The following HDGFL3 variants were observed in gnomAD, a reference collection of about 807,000 sequenced individuals.
HDGFL3 encodes HDGF like 3.
Under a neutral mutation model 27.6 loss-of-function variants are expected in HDGFL3, and 6 were observed. The observed-to-expected ratio is 0.22, with a 90% CI of 0.12 to 0.43. The LOEUF (loss-of-function observed/expected upper bound fraction) is 0.43. Among genes scored for constraint, HDGFL3 ranks in the 20% least tolerant of loss-of-function variants. HDGFL3 has a pLI of 1.00. For missense variants in HDGFL3, 207 were observed against 250.1 expected, an observed-to-expected ratio of 0.83 and a Z score of 1.16; for synonymous variants, 88 against 88.9, an observed-to-expected ratio of 0.99 and a Z score of 0.05.
At chr15:83,115,015 T>A (rs2034526650) in exon 4 of HDGFL3, 2 of 152,458 alleles carry the variant, frequency 1.3e-5, no homozygotes, top group South Asian at 4.1e-4. Flanking sequence ...ATCAGCCACC[T>A]GTCTGTCTCT....
intron 1 of HDGFL3, among the ~76,000 whole-genome samples, chr15:83,168,625 G>T (rs2037202196): frequency 6.6e-6 from 1 of 152,080 alleles, no homozygotes; most frequent in African/African-American, 2.4e-5. Context: ...TGAATCCTTA[G>T]GTTGAATCAG....
downstream of HDGFL3, chr15:83,124,633 C>T (rs2035564405): frequency 2.7e-6 from 4 of 1,501,996 alleles, no homozygotes; most frequent in East Asian, 4.6e-5. Flanking sequence ...TCTTCTTTGG[C>T]ACTTTGGGCC....
intron 1 of HDGFL3, among the ~76,000 whole-genome samples, chr15:83,202,798 T>C (rs1457045905): frequency 6.6e-6 from 1 of 152,144 alleles, no homozygotes; most frequent in Non-Finnish European, 1.5e-5. Flanking sequence ...AATAACTCCT[T>C]TCTACCCACT....
chr15:83,193,407 T>C (rs756458326), intron 1 of HDGFL3, among the ~76,000 whole-genome samples: 3 of 152,106 alleles, frequency 2.0e-5, no homozygotes, highest in Non-Finnish European at 4.4e-5. Flanking sequence ...TTAGGATTCC[T>C]ACTTTGAAAA....
At chr15:83,141,554 A>C (rs1211479855) in intron 5 of HDGFL3, among the ~76,000 whole-genome samples, 1 of 152,224 alleles carries the variant, frequency 6.6e-6, no homozygotes, top group Non-Finnish European at 1.5e-5. Context: ...CTAGAATTTC[A>C]AATCCTCCAT....
chr15:83,158,937 G>A (rs757153762), intron 2 of HDGFL3, among the ~76,000 whole-genome samples: 7 of 151,728 alleles, frequency 4.6e-5, no homozygotes, highest in Non-Finnish European at 8.8e-5. Context: ...TCCATCTCCC[G>A]GGTTCAAGGG....
intron 5 of HDGFL3, among the ~76,000 whole-genome samples, chr15:83,150,658 G>GT (rs1353476751): frequency 6.6e-6 from 1 of 152,172 alleles, no homozygotes; most frequent in African/African-American, 2.4e-5. Context: ...CCTTCATCAA[G>GT]TTTTTTACAA....
intron 1 of HDGFL3, among the ~76,000 whole-genome samples, chr15:83,188,303 G>C (rs2037470805): frequency 6.6e-6 from 1 of 152,092 alleles, no homozygotes; most frequent in Non-Finnish European, 1.5e-5. Context: ...GCCCAGGCTG[G>C]AGGGCAGTGG....
At chr15:83,147,055 C>T (rs1197190091) in intron 5 of HDGFL3, among the ~76,000 whole-genome samples, 2 of 151,786 alleles carry the variant, frequency 1.3e-5, no homozygotes, top group Admixed American at 1.3e-4. Context: ...TGCACCAGAT[C>T]TTATACCTTC....
downstream of HDGFL3, chr15:83,127,444 C>T (rs200315449): frequency 4.0e-5 from 65 of 1,613,876 alleles, no homozygotes; most frequent in Admixed American, 2.0e-4. Flanking sequence ...GGATGCCTGA[C>T]ATCACATTGA....
At position 83,134,097 on chromosome 15, in the gene HDGFL3, A is replaced by AT. The variant is rs2036449060; in HGVS notation, c.*5172dup. ...GAAATGCTTTGTAGACCCTTTTTGT[A>AT]TTTTGACAGTCACAAGTCCATTGTT... On this transcript the variant is annotated 3_prime_UTR_variant, in exon 6 of 6. Coordinates refer to ENST00000299633, the MANE Select transcript of HDGFL3 (RefSeq NM_016073.4). 1 of 152,182 alleles carries AT rather than the reference A, an allele frequency of 6.6e-6. No homozygotes were observed. Among genetic ancestry groups the AT allele is most frequent in the African/African-American group, 2.4e-5 (1 of 41,460 alleles). 9.4% of individuals were successfully genotyped at this position (152,182 alleles called of 1,614,324 possible). A position where few individuals can be genotyped will look rare whatever the true frequency, so the allele number is the denominator to read the frequency against.
intron 3 of HDGFL3, among the ~76,000 whole-genome samples, chr15:83,116,658 C>A (rs2034688618): frequency 6.6e-6 from 1 of 152,162 alleles, no homozygotes; most frequent in African/African-American, 2.4e-5. Flanking sequence ...AGGGAAGGGT[C>A]CGTGCCATGA....
intron 4 of HDGFL3, 24 bp from the exon 5 acceptor site, chr15:83,151,385 A>G: frequency 6.3e-7 from 1 of 1,581,582 alleles, no homozygotes; most frequent in Non-Finnish European, 8.6e-7. Context: ...CAAGTTAAAT[A>G]TTATAGTCAA....
At chr15:83,158,224 T>C (rs904004309) in intron 2 of HDGFL3, among the ~76,000 whole-genome samples, 183 bp from the exon 3 acceptor site, 1 of 152,166 alleles carries the variant, frequency 6.6e-6, no homozygotes, top group Non-Finnish European at 1.5e-5. Context: ...GCAGAAAAAA[T>C]GGATAGCTGA....
chr15:83,149,237 G>A (rs948373474), intron 5 of HDGFL3, among the ~76,000 whole-genome samples: 2 of 152,140 alleles, frequency 1.3e-5, no homozygotes, highest in Non-Finnish European at 1.5e-5. Context: ...TGCAGACCAC[G>A]CACAATATGT....
chr15:83,191,693 A>G (rs2037512261), intron 1 of HDGFL3, among the ~76,000 whole-genome samples: 1 of 152,130 alleles, frequency 6.6e-6, no homozygotes, highest in South Asian at 2.1e-4. Context: ...TATACTCTGG[A>G]TATGTTCCTC....
intron 1 of HDGFL3, among the ~76,000 whole-genome samples, chr15:83,206,538 A>AAAAAAT (rs1358425019): frequency 1.3e-5 from 2 of 152,272 alleles, no homozygotes; most frequent in Non-Finnish European, 1.5e-5. Context: ...CTAGAAAAAG[A>AAAAAAT]GCCCAACGAC....
At chr15:83,161,692 G>A (rs1035753645) in intron 2 of HDGFL3, among the ~76,000 whole-genome samples, 27 of 152,154 alleles carry the variant, frequency 1.8e-4, no homozygotes, top group Admixed American at 1.8e-3. Flanking sequence ...CTGCCGGCAA[G>A]AGGGAGCCTG....
Position 83,133,005 on chromosome 15 carries a change from C to G in HDGFL3, c.*6265G>C, listed in dbSNP as rs2036357791. On this transcript the variant is annotated 3_prime_UTR_variant, in exon 6 of 6. Coordinates refer to ENST00000299633, the MANE Select transcript of HDGFL3 (RefSeq NM_016073.4). ...CATGAATGGGTATTTCAGTTTTGTA[C>G]TTGTGTCTACAGAATAGCCCCAAGT... 1 of 152,214 alleles carries G rather than the reference C, an allele frequency of 6.6e-6. No homozygotes were observed. Among genetic ancestry groups the G allele is most frequent in the African/African-American group, 2.4e-5 (1 of 41,452 alleles). 9.4% of individuals were successfully genotyped at this position (152,214 alleles called of 1,614,324 possible). A position where few individuals can be genotyped will look rare whatever the true frequency, so the allele number is the denominator to read the frequency against.
Sources: allele counts gnomAD v4.1 joint callset (sites outside exome capture counted in the v4.1 genomes callset), GRCh38; gene constraint gnomAD v4.1.1; transcripts MANE v1.5; gene names NCBI Gene and HGNC (gene_info 2026-07-23, HGNC 2026-07-21).